CAST: variants seen among roughly 807,000 people sequenced by gnomAD.
CAST encodes the protein calpastatin.
In CAST, 76 loss-of-function variants were observed where a neutral mutation model predicts 119.6. The ratio of observed to expected loss-of-function variants is 0.64; its 90% CI spans 0.53 to 0.77. The LOEUF (loss-of-function observed/expected upper bound fraction) is 0.77. Ranked by LOEUF, CAST falls within the 30% of genes least tolerant of loss-of-function variation. The pLI, the probability that CAST is intolerant of heterozygous loss-of-function variation, is 0.00. For missense variants in CAST, 953 were observed against 946.5 expected (o/e 1.01, Z -0.09); for synonymous variants, 319 against 331.6 (o/e 0.96, Z 0.41).
chr5:96,165,570 A>G, the CAST span, among the ~76,000 whole-genome samples: 1 of 152,234 alleles, frequency 6.6e-6, no homozygotes, highest in Non-Finnish European at 1.5e-5. Flanking sequence ...AAGAAGGTAT[A>G]TCATGCTATT....
the CAST span, among the ~76,000 whole-genome samples, chr5:96,455,500 G>C: frequency 1.3e-5 from 2 of 152,330 alleles, no homozygotes; most frequent in East Asian, 3.9e-4. Context: ...CATTTGAAGA[G>C]TTCAGACCAG....
chr5:96,625,288 GTC>G (rs147687748), intron 1 of CAST, among the ~76,000 whole-genome samples: 53 of 150,148 alleles, frequency 3.5e-4, no homozygotes, highest in Non-Finnish European at 5.3e-4. Flanking sequence ...CCCTCTCTCT[GTC>G]TCTCTCTCTC....
chr5:96,719,915 C>T (rs1757925904), intron 3 of CAST, among the ~76,000 whole-genome samples: 1 of 152,200 alleles, frequency 6.6e-6, no homozygotes, highest in South Asian at 2.1e-4. Context: ...CATGACAGGT[C>T]ACATTATCAG....
At chr5:96,494,584 G>A in the CAST span, among the ~76,000 whole-genome samples, 1 of 152,162 alleles carries the variant, frequency 6.6e-6, no homozygotes, top group African/African-American at 2.4e-5. Flanking sequence ...TGATAAGCTG[G>A]CTATGGCTGA....
chr5:96,102,359 C>T, the CAST span, among the ~76,000 whole-genome samples: 1 of 152,158 alleles, frequency 6.6e-6, no homozygotes, highest in Non-Finnish European at 1.5e-5. Flanking sequence ...TAAGCCCTCT[C>T]TCCTCCAAAG....
At chr5:96,323,591 T>G in the CAST span, among the ~76,000 whole-genome samples, 1 of 152,316 alleles carries the variant, frequency 6.6e-6, no homozygotes, top group South Asian at 2.1e-4. Context: ...CTTTTTAATT[T>G]TTTTCTTTAA....
intron 1 of CAST, among the ~76,000 whole-genome samples, chr5:96,632,672 T>C (rs879388998): frequency 2.6e-5 from 4 of 151,768 alleles, no homozygotes; most frequent in Non-Finnish European, 4.4e-5. Flanking sequence ...GTCTCAGCGC[T>C]ATTTGTCGAA....
At chr5:96,394,830 A>G in the CAST span, 1 of 1,609,604 alleles carries the variant, frequency 6.2e-7, no homozygotes, top group Non-Finnish European at 8.5e-7. Flanking sequence ...CCCCAGTTCA[A>G]AAGAGAGCAT....
intron 26 of CAST, 40 bp from the exon 27 acceptor site, chr5:96,766,013 G>C (rs1357546438): frequency 8.9e-7 from 1 of 1,117,668 alleles, no homozygotes; most frequent in Non-Finnish European, 1.4e-6. Flanking sequence ...AAGTGAAAGA[G>C]GAAATGAATA....
the CAST span, among the ~76,000 whole-genome samples, chr5:96,361,735 G>A: frequency 6.9e-6 from 1 of 145,890 alleles, no homozygotes; most frequent in Non-Finnish European, 1.5e-5. Flanking sequence ...TGCCTTCTAG[G>A]TTGATCTCGG....
At chr5:96,767,718 A>T (rs1189104358) in intron 28 of CAST, among the ~76,000 whole-genome samples, 189 bp from the exon 29 acceptor site, 1 of 152,196 alleles carries the variant, frequency 6.6e-6, no homozygotes, top group Admixed American at 6.5e-5. Flanking sequence ...TAAAGAGTAG[A>T]TGGAAAAAAA....
At chr5:96,638,402 T>A (rs1747909403) in intron 1 of CAST, among the ~76,000 whole-genome samples, 1 of 152,056 alleles carries the variant, frequency 6.6e-6, no homozygotes, top group Non-Finnish European at 1.5e-5. Flanking sequence ...CGAGACTCCA[T>A]CTCAAAGAAA....
chr5:96,016,233 C>T, the CAST span, among the ~76,000 whole-genome samples: 1 of 152,234 alleles, frequency 6.6e-6, no homozygotes, highest in Non-Finnish European at 1.5e-5. Flanking sequence ...AATCTTTTAA[C>T]ACAGATCCCC....
chr5:96,645,267 C>T (rs1418302965), intron 1 of CAST, among the ~76,000 whole-genome samples: 1 of 152,146 alleles, frequency 6.6e-6, no homozygotes, highest in African/African-American at 2.4e-5. Context: ...GGAAGATTAT[C>T]ACAGTGCTAA....
chr5:96,560,790 G>A (rs1746343333), intron 1 of CAST, among the ~76,000 whole-genome samples: 1 of 152,196 alleles, frequency 6.6e-6, no homozygotes, highest in Admixed American at 6.5e-5. Flanking sequence ...GGAAGTCAGT[G>A]TGGCGATTCC....
At chr5:96,550,557 G>A (rs535708152) in intron 1 of CAST, among the ~76,000 whole-genome samples, 264 of 152,316 alleles carry the variant, frequency 1.7e-3, no homozygotes, top group African/African-American at 6.1e-3. Flanking sequence ...ACTGGACAGA[G>A]AATGAGTTTG....
chr5:96,729,028 G>GTAGATCTCGGT, intron 6 of CAST, 125 bp from the exon 7 acceptor site: 1 of 632,974 alleles, frequency 1.6e-6, no homozygotes, highest in South Asian at 2.0e-5. Context: ...GGGCCTGAGT[G>GTAGATCTCGGT]GGCCTAAGCG....
At chr5:96,109,601 G>A in the CAST span, among the ~76,000 whole-genome samples, 16 of 152,298 alleles carry the variant, frequency 1.1e-4, no homozygotes, top group East Asian at 2.5e-3. Flanking sequence ...TAATATTTCT[G>A]AGCAGGAGTG....
At chr5:96,008,910 G>C in the CAST span, among the ~76,000 whole-genome samples, 1 of 152,148 alleles carries the variant, frequency 6.6e-6, no homozygotes, top group Non-Finnish European at 1.5e-5. Flanking sequence ...TTGGAGTATG[G>C]ATCCCATCAT....
Sources: gnomAD v4.1 joint callset for allele counts (sites outside exome capture counted in the v4.1 genomes callset) on GRCh38, gnomAD v4.1.1 for gene constraint, MANE v1.5 for transcripts, NCBI Gene and HGNC (gene_info 2026-07-23, HGNC 2026-07-21) for gene names.